Variants in GSG1L observed in about 807,000 individuals in gnomAD.
The protein encoded by GSG1L is GSG1 like, also known as germ cell-specific gene 1-like protein.
GSG1L carries 24 observed loss-of-function variants against 42.1 expected under a neutral mutation model. That is an observed-to-expected ratio of 0.57 (90% CI 0.41 to 0.80). The LOEUF (loss-of-function observed/expected upper bound fraction) is 0.80. GSG1L is among the 30% of genes least tolerant of loss of function. The probability of loss-of-function intolerance (pLI) is 0.00; values close to 1 mark genes in which losing one functional copy is unlikely to be tolerated. For synonymous variants in GSG1L, 215 were observed against 203.5 expected (o/e 1.06, Z -0.48); for missense variants, 445 against 472.2 (o/e 0.94, Z 0.53).
rs535988719 is a variant in GSG1L, at chr16:27,981,105, GA to G, written c.350-17903del. ...CCTAGTAAAATTCATTCCTCCTAAG[GA>G]AAGTCCCACACACCCTCCAGAGACC... On this transcript the variant is annotated intron_variant, in intron 1 of 6. Transcript: ENST00000447459. 4.2e-3 allele frequency among the ~76,000 whole-genome samples: 646 copies of G among 152,036 alleles called. 5 individuals are homozygous for G. The highest frequency in any genetic ancestry group is 3.9e-3 in the Non-Finnish European group (265 of 67,978).
chr16:27,965,083 A>C (rs1390757770), intron 1 of GSG1L, among the ~76,000 whole-genome samples: 1 of 152,138 alleles, frequency 6.6e-6, no homozygotes, highest in Non-Finnish European at 1.5e-5. Context: ...CAGTGGTGCA[A>C]TCTCGGCTCA....
At chr16:27,847,204 C>T (rs1567483984) in intron 3 of GSG1L, among the ~76,000 whole-genome samples, 3 of 152,234 alleles carry the variant, frequency 2.0e-5, no homozygotes, top group Admixed American at 6.5e-5. Flanking sequence ...AGGAAACCCA[C>T]AGCTGTAAAT....
At chr16:27,891,507 C>G (rs955020437) in intron 2 of GSG1L, among the ~76,000 whole-genome samples, 1 of 151,902 alleles carries the variant, frequency 6.6e-6, no homozygotes, top group African/African-American at 2.4e-5. Flanking sequence ...GCTTTATCAC[C>G]CAGGCTGGAG....
intron 1 of GSG1L, among the ~76,000 whole-genome samples, chr16:28,020,010 T>C (rs747957599): frequency 1.8e-4 from 28 of 152,244 alleles, no homozygotes; most frequent in Non-Finnish European, 3.4e-4. Flanking sequence ...TTTCAGATCC[T>C]TGGACTAAAG....
At chr16:27,950,537 G>A (rs2084939296) in intron 2 of GSG1L, among the ~76,000 whole-genome samples, 3 of 152,112 alleles carry the variant, frequency 2.0e-5, no homozygotes, top group African/African-American at 7.2e-5. Context: ...CAGAATTAAG[G>A]AGGTGGGAGG....
rs146536097 is a variant in GSG1L at position 27,821,473 on chromosome 16, C to T, written c.830+7316G>A. On this transcript the variant is annotated intron_variant, in intron 5 of 6. Transcript: ENST00000447459. ...TGCAGTCCCCAATGTCTGTTGTTCC[C>T]GTCTTTATGTCCATGTGTACCCAGT... is the stretch of plus-strand genomic sequence containing the variant. Among the ~76,000 whole-genome samples, 1,362 of 152,140 alleles carry T rather than the reference C, an allele frequency of 9.0e-3. 23 individuals carry two copies. The highest frequency in any genetic ancestry group is 0.031 in the African/African-American group (1,270 of 41,490).
intron 5 of GSG1L, among the ~76,000 whole-genome samples, chr16:27,818,394 C>A (rs888224417): frequency 2.0e-5 from 3 of 152,090 alleles, no homozygotes; most frequent in African/African-American, 7.2e-5. Context: ...GCTGACGATC[C>A]GATCACATGA....
chr16:27,897,702 T>TTCTC (rs2084207893), intron 2 of GSG1L, among the ~76,000 whole-genome samples: 1 of 152,216 alleles, frequency 6.6e-6, no homozygotes, highest in Non-Finnish European at 1.5e-5. Flanking sequence ...AGAAGGAAGC[T>TTCTC]TCTCTACCAC....
At chr16:27,888,931 GAT>G (rs1010745408) in intron 2 of GSG1L, among the ~76,000 whole-genome samples, 2 of 69,074 alleles carry the variant, frequency 2.9e-5, no homozygotes, top group African/African-American at 5.9e-5. Flanking sequence ...TGCTTAGATA[GAT>G]ATAGATATAG....
At chr16:28,033,980 C>A (rs2085997965) in intron 1 of GSG1L, among the ~76,000 whole-genome samples, 1 of 152,186 alleles carries the variant, frequency 6.6e-6, no homozygotes, top group Admixed American at 6.5e-5. Context: ...TTGGCAATAT[C>A]TCAGCCCATC....
intron 2 of GSG1L, among the ~76,000 whole-genome samples, chr16:27,951,472 C>T (rs1453550476): frequency 6.6e-6 from 1 of 152,080 alleles, no homozygotes; most frequent in East Asian, 1.9e-4. Flanking sequence ...TCGGGAGCAT[C>T]GAGTGAGAGT....
intron 1 of GSG1L, among the ~76,000 whole-genome samples, chr16:28,038,381 A>G (rs1258904777): frequency 6.6e-6 from 1 of 152,172 alleles, no homozygotes; most frequent in Non-Finnish European, 1.5e-5. Context: ...ACATTCCAGG[A>G]TCATGCTCAG....
At chr16:27,905,617 G>A in intron 2 of GSG1L, among the ~76,000 whole-genome samples, 1 of 152,042 alleles carries the variant, frequency 6.6e-6, no homozygotes, top group East Asian at 1.9e-4. Context: ...TTTAAGACAT[G>A]GACAGAATAA....
intron 1 of GSG1L, among the ~76,000 whole-genome samples, chr16:27,971,719 C>G (rs2085195123): frequency 6.6e-6 from 1 of 151,970 alleles, no homozygotes; most frequent in African/African-American, 2.4e-5. Context: ...TCATCTTGTT[C>G]CTGATCTTGG....
At chr16:27,888,927 G>GATAGATATAGATATAGAT (rs55977600) in intron 2 of GSG1L, among the ~76,000 whole-genome samples, 20,266 of 142,054 alleles carry the variant, frequency 0.14, 1,818 homozygotes, top group Non-Finnish European at 0.18. Context: ...CTTGTGCTTA[G>GATAGATATAGATATAGAT]ATAGATATAG....
At chr16:27,863,312 C>T (rs1446737538) in intron 3 of GSG1L, 1 of 152,148 alleles carries the variant, frequency 6.6e-6, no homozygotes, top group Non-Finnish European at 1.5e-5. Context: ...AGCATGACCC[C>T]TATGGAAGGT....
At chr16:27,871,196 C>T (rs1430854895) in intron 3 of GSG1L, among the ~76,000 whole-genome samples, 5 of 152,112 alleles carry the variant, frequency 3.3e-5, no homozygotes, top group Non-Finnish European at 7.4e-5. Context: ...GGGGGTGCCA[C>T]TGACATGTAG....
intron 3 of GSG1L, among the ~76,000 whole-genome samples, chr16:27,870,211 TTC>T (rs897668316): frequency 1.6e-5 from 2 of 122,108 alleles, no homozygotes; most frequent in Non-Finnish European, 3.5e-5. Flanking sequence ...CTCCTTCTGT[TTC>T]TCTTTCCATC....
At chr16:27,974,576 G>C (rs2085230598) in intron 1 of GSG1L, among the ~76,000 whole-genome samples, 1 of 152,226 alleles carries the variant, frequency 6.6e-6, no homozygotes, top group South Asian at 2.1e-4. Context: ...GAAGAAGTGA[G>C]AGTGCCTGTT....
Sources: gnomAD v4.1 joint callset for allele counts (sites outside exome capture counted in the v4.1 genomes callset) on GRCh38, gnomAD v4.1.1 for gene constraint, MANE v1.5 for transcripts, NCBI Gene and HGNC (gene_info 2026-07-23, HGNC 2026-07-21) for gene names.